RTN4IP1: variants seen among roughly 807,000 people sequenced by gnomAD.
RTN4IP1 encodes the protein reticulon 4 interacting protein 1, also known as NAD(P)H oxidoreductase RTN4IP1, mitochondrial.
A neutral mutation model predicts 46.6 loss-of-function variants in RTN4IP1; 32 were observed. The ratio of observed to expected loss-of-function variants is 0.69; its 90% CI spans 0.52 to 0.92. RTN4IP1 has a LOEUF of 0.92. Ranked by LOEUF, RTN4IP1 falls within the 40% of genes least tolerant of loss-of-function variation. The pLI, the probability that RTN4IP1 is intolerant of heterozygous loss-of-function variation, is 0.00. For missense variants in RTN4IP1, 424 were observed against 485.8 expected (o/e 0.87, Z 1.20); for synonymous variants, 167 against 161.8 (o/e 1.03, Z -0.24).
At chr6:106,598,301 C>T (rs1171952761) in intron 5 of RTN4IP1, among the ~76,000 whole-genome samples, 1 of 152,184 alleles carries the variant, frequency 6.6e-6, no homozygotes, top group East Asian at 1.9e-4. Flanking sequence ...AACTAGTTTA[C>T]AGTCCCACCA....
At chr6:106,592,361 A>T in intron 5 of RTN4IP1, 61 bp from the exon 6 acceptor site, 1 of 1,544,870 alleles carries the variant, frequency 6.5e-7, no homozygotes, top group African/African-American at 1.4e-5. Context: ...AACTGACTGC[A>T]TTGAAAAAAA....
upstream of RTN4IP1, chr6:106,629,499 G>C: frequency 2.5e-6 from 2 of 809,204 alleles, no homozygotes; most frequent in Non-Finnish European, 3.8e-6. Context: ...ATGGCTTTGC[G>C]GCGCCAACCA....
At chr6:106,626,957 G>A (rs1236506859) in intron 1 of RTN4IP1, among the ~76,000 whole-genome samples, 2 of 152,120 alleles carry the variant, frequency 1.3e-5, no homozygotes, top group Non-Finnish European at 2.9e-5. Context: ...TCCAACAGTA[G>A]TGGCCGTCTC....
chr6:106,592,891 C>T (rs1295843561), intron 5 of RTN4IP1, among the ~76,000 whole-genome samples: 4 of 151,566 alleles, frequency 2.6e-5, no homozygotes, highest in African/African-American at 4.8e-5. Context: ...ATCGTGCCAT[C>T]GCACTCCAGC....
intron 8 of RTN4IP1, among the ~76,000 whole-genome samples, chr6:106,583,013 C>T (rs1378037539): frequency 6.6e-6 from 1 of 152,188 alleles, no homozygotes. Flanking sequence ...ATGTAGATCA[C>T]AGCTGTGCTA....
intron 4 of RTN4IP1, among the ~76,000 whole-genome samples, chr6:106,613,453 T>G (rs1562150589): frequency 6.6e-6 from 1 of 152,264 alleles, no homozygotes; most frequent in South Asian, 2.1e-4. Flanking sequence ...TGTGGAAAAT[T>G]CCTCCAATTA....
chr6:106,583,205 G>A, intron 8 of RTN4IP1, 123 bp downstream of exon 8: 1 of 698,344 alleles, frequency 1.4e-6, no homozygotes, highest in Non-Finnish European at 2.5e-6. Flanking sequence ...ATGTAAGGCA[G>A]CACAAGGTCA....
intron 5 of RTN4IP1, among the ~76,000 whole-genome samples, chr6:106,601,491 T>A (rs4945760): frequency 0.074 from 11,333 of 152,242 alleles, 482 homozygotes; most frequent in South Asian, 0.12. Context: ...TCTACAATCA[T>A]GAAGATTTTG....
At chr6:106,618,930 C>T (rs1776414453) in intron 4 of RTN4IP1, among the ~76,000 whole-genome samples, 1 of 151,980 alleles carries the variant, frequency 6.6e-6, no homozygotes, top group Non-Finnish European at 1.5e-5. Context: ...TAATATTTTG[C>T]ATTATTTTAG....
At chr6:106,580,319 G>A (rs1193277490) in intron 8 of RTN4IP1, among the ~76,000 whole-genome samples, 2 of 151,938 alleles carry the variant, frequency 1.3e-5, no homozygotes, top group African/African-American at 2.4e-5. Flanking sequence ...GGTTCAGAGG[G>A]TAAGATAATG....
At chr6:106,598,919 C>T (rs1231575296) in intron 5 of RTN4IP1, among the ~76,000 whole-genome samples, 3 of 152,038 alleles carry the variant, frequency 2.0e-5, no homozygotes, top group African/African-American at 4.8e-5. Flanking sequence ...TATTAAGGAG[C>T]ATTATGTGTT....
At chr6:106,606,680 G>A (rs1776083789) in intron 4 of RTN4IP1, among the ~76,000 whole-genome samples, 1 of 151,918 alleles carries the variant, frequency 6.6e-6, no homozygotes, top group Admixed American at 6.6e-5. Flanking sequence ...GCCAAGTGGG[G>A]GAGGATCGCT....
chr6:106,577,624 A>G (rs77533194), intron 8 of RTN4IP1, among the ~76,000 whole-genome samples: 3,363 of 152,180 alleles, frequency 0.022, 66 homozygotes, highest in South Asian at 0.082. Context: ...CCTGATTCCC[A>G]AAATGTGTGA....
At chr6:106,619,651 G>A (rs1776436213) in intron 3 of RTN4IP1, among the ~76,000 whole-genome samples, 1 of 125,220 alleles carries the variant, frequency 8.0e-6, no homozygotes, top group Non-Finnish European at 1.6e-5. Flanking sequence ...TTGCTCTGTC[G>A]CCCAGGCTGG....
At chr6:106,595,597 A>C (rs960850868) in intron 5 of RTN4IP1, among the ~76,000 whole-genome samples, 2 of 151,360 alleles carry the variant, frequency 1.3e-5, no homozygotes, top group African/African-American at 4.9e-5. Context: ...TCCTAGGTTC[A>C]AGCAATTCTC....
intron 1 of RTN4IP1, among the ~76,000 whole-genome samples, chr6:106,625,453 G>T (rs1454463519): frequency 6.6e-6 from 1 of 152,070 alleles, no homozygotes; most frequent in Non-Finnish European, 1.5e-5. Flanking sequence ...AAACAAGCCT[G>T]GATCTAACAG....
chr6:106,622,029 C>T (rs1356965690), intron 2 of RTN4IP1, among the ~76,000 whole-genome samples: 1 of 151,634 alleles, frequency 6.6e-6, no homozygotes, highest in African/African-American at 2.4e-5. Flanking sequence ...ATTTAAAGGC[C>T]CTTTCAAGGA....
chr6:106,621,321 G>A, intron 3 of RTN4IP1, 104 bp downstream of exon 3: 2 of 818,404 alleles, frequency 2.4e-6, no homozygotes, highest in Admixed American at 2.1e-5. Context: ...TTTATAAACT[G>A]CCCCATCAAA....
chr6:106,587,281 A>C (rs928647923), intron 7 of RTN4IP1, among the ~76,000 whole-genome samples: 1 of 152,252 alleles, frequency 6.6e-6, no homozygotes, highest in African/African-American at 2.4e-5. Flanking sequence ...TAGAGACAAG[A>C]AGGAAGCACA....
Sources: gnomAD v4.1 joint callset for allele counts (sites outside exome capture counted in the v4.1 genomes callset) on GRCh38, gnomAD v4.1.1 for gene constraint, MANE v1.5 for transcripts, NCBI Gene and HGNC (gene_info 2026-07-23, HGNC 2026-07-21) for gene names.